CCDC30: variants seen among roughly 807,000 people sequenced by gnomAD.
CCDC30 encodes coiled-coil domain-containing protein 30.
A neutral mutation model predicts 100.2 loss-of-function variants in CCDC30; 70 were observed. That is an observed-to-expected ratio of 0.70 (90% CI 0.58 to 0.85). The LOEUF (loss-of-function observed/expected upper bound fraction) is 0.85. Ranked by LOEUF, CCDC30 falls within the 40% of genes least tolerant of loss-of-function variation. CCDC30 has a pLI of 0.00. For missense variants in CCDC30, 652 were observed against 771.2 expected (o/e 0.85, Z 1.83); for synonymous variants, 233 against 269.5 (o/e 0.86, Z 1.33).
Position 42,644,704 on chromosome 1 carries a change from T to C in CCDC30, c.1568T>C (p.Met523Thr), listed in dbSNP as rs1192622768. Residue 523 changes from methionine (M) to threonine (T), a missense_variant, in exon 14 of 17, where the codon ATG becomes ACG. Transcript: ENST00000668663. ...TATGCCATTCTTAGGGTACTTTACA[T>C]GGATAAAGAAAATAAGCAATTACAG... 3 of 1,599,830 alleles carry C rather than the reference T, an allele frequency of 1.9e-6. No individual in the cohort carries two copies. The South Asian group carries it at 3.3e-5, about 18-fold the overall frequency.
At chr1:42,487,480 CGTA>C (rs1644071505) in intron 3 of CCDC30, among the ~76,000 whole-genome samples, 1 of 152,006 alleles carries the variant, frequency 6.6e-6, no homozygotes, top group African/African-American at 2.4e-5. Flanking sequence ...ATTTTGTAAG[CGTA>C]GTTACGGTCC....
chr1:42,655,708 A>G (rs1392582101), downstream of CCDC30, among the ~76,000 whole-genome samples: 1 of 152,128 alleles, frequency 6.6e-6, no homozygotes, highest in Non-Finnish European at 1.5e-5. Flanking sequence ...AACAGTCTCC[A>G]GCTCATCTTT....
intron 6 of CCDC30, among the ~76,000 whole-genome samples, chr1:42,522,134 T>C (rs984506813): frequency 2.0e-5 from 3 of 152,202 alleles, no homozygotes; most frequent in Admixed American, 2.0e-4. Context: ...AATGTAAGTG[T>C]TGTATAAATA....
At position 42,642,562 on chromosome 1, in the gene CCDC30, AC is replaced by A. The variant is rs1421133065; in HGVS notation, c.1510del (p.Gln504SerfsTer2). The A allele has an allele frequency of 6.2e-7, 1 of 1,603,536 alleles. No individual in the cohort carries two copies. The highest frequency in any genetic ancestry group is 8.5e-7 in the Non-Finnish European group (1 of 1,175,092). On this transcript the variant is annotated frameshift_variant, in exon 13 of 17. Coordinates refer to ENST00000668663, the Ensembl canonical transcript of CCDC30. LOFTEE classifies it high-confidence loss of function. The stretch of plus-strand genomic sequence containing the variant: ...TTCAGGAGCAAGTCATAGAGCAAGA[AC>A]AGTTGATCCACAGCAACAAATGGAC...
In CCDC30 at chr1:42,592,058, T is replaced by G. The variant is rs183879988; in HGVS notation, c.1164+2575T>G. On this transcript the variant is annotated intron_variant, in intron 10 of 16. Coordinates refer to ENST00000668663, the Ensembl canonical transcript of CCDC30. ...TAATGCCTGTACTACCACTGTATCT[T>G]GGGAGTAAATGACTTATTTTGATTT... 4 of 152,326 alleles carry G rather than the reference T, an allele frequency of 2.6e-5. No homozygotes were observed. The East Asian group carries it at 5.8e-4, about 22-fold the overall frequency. The allele number at this position is 152,326 out of a possible 1,614,324, so 9.4% of individuals were successfully genotyped here. A position where few individuals can be genotyped will look rare whatever the true frequency, so the allele number is the denominator to read the frequency against.
chr1:42,581,493 A>G (rs765148066), exon 9 of CCDC30: 16 of 1,613,336 alleles, frequency 9.9e-6, no homozygotes, highest in Non-Finnish European at 1.3e-5. Context: ...AAGCAACAAT[A>G]TCAAGAAGAA....
intron 16 of CCDC30, 63 bp downstream of exon 20, chr1:42,653,506 G>C: frequency 1.0e-5 from 11 of 1,054,530 alleles, no homozygotes; most frequent in African/African-American, 1.6e-5. Context: ...CCATGCCTGA[G>C]AGTCATGGCT....
chr1:42,502,234 A>T (rs941597497), intron 6 of CCDC30, among the ~76,000 whole-genome samples: 1 of 149,598 alleles, frequency 6.7e-6, no homozygotes, highest in Admixed American at 6.6e-5. Context: ...GCAAGGCTCC[A>T]TGGGCGTGGG....
chr1:42,561,099 C>T (rs919334086), intron 6 of CCDC30, among the ~76,000 whole-genome samples: 4 of 152,232 alleles, frequency 2.6e-5, no homozygotes, highest in African/African-American at 9.6e-5. Flanking sequence ...CTCCCTAACT[C>T]ATTTTATTAA....
intron 11 of CCDC30, among the ~76,000 whole-genome samples, chr1:42,611,595 A>T (rs2148642868): frequency 6.6e-6 from 1 of 152,106 alleles, no homozygotes; most frequent in Non-Finnish European, 1.5e-5. Context: ...TCAGGCAAAT[A>T]CCATTGTCCA....
At chr1:42,517,891 A>G (rs1333268433) in intron 6 of CCDC30, among the ~76,000 whole-genome samples, 1 of 152,200 alleles carries the variant, frequency 6.6e-6, no homozygotes, top group African/African-American at 2.4e-5. Context: ...GTAAGTTTTG[A>G]AATCAGAAAG....
At chr1:42,598,763 A>G (rs544890003) in intron 10 of CCDC30, among the ~76,000 whole-genome samples, 1 of 151,944 alleles carries the variant, frequency 6.6e-6, no homozygotes, top group South Asian at 2.1e-4. Flanking sequence ...GTCTCAAAAA[A>G]AAAAGTAAAG....
intron 6 of CCDC30, 58 bp from the exon 10 acceptor site, chr1:42,556,098 C>T (rs1645362682): frequency 4.0e-6 from 6 of 1,512,854 alleles, no homozygotes; most frequent in South Asian, 3.9e-5. Flanking sequence ...CTTTTTTTTC[C>T]CGATTCTACT....
intron 6 of CCDC30, among the ~76,000 whole-genome samples, chr1:42,523,904 G>A (rs1056776158): frequency 1.3e-5 from 2 of 151,992 alleles, no homozygotes; most frequent in African/African-American, 4.8e-5. Context: ...TTCAGTTGTT[G>A]TACTTTTCAG....
At chr1:42,644,152 A>G (rs1043278402) in intron 13 of CCDC30, among the ~76,000 whole-genome samples, 3 of 152,336 alleles carry the variant, frequency 2.0e-5, no homozygotes, top group South Asian at 4.1e-4. Flanking sequence ...ACATATATAT[A>G]AAGAGGAGTT....
chr1:42,462,666 A>T (rs1222727936), upstream of CCDC30, among the ~76,000 whole-genome samples: 1 of 152,256 alleles, frequency 6.6e-6, no homozygotes, highest in Non-Finnish European at 1.5e-5. Flanking sequence ...AAAAGATGAT[A>T]TAAATTGAGT....
chr1:42,514,520 T>C (rs1261995497), intron 6 of CCDC30, among the ~76,000 whole-genome samples: 1 of 152,186 alleles, frequency 6.6e-6, no homozygotes, highest in Non-Finnish European at 1.5e-5. Context: ...TTCAAGTGCT[T>C]GTTAGCCATT....
At chr1:42,558,123 A>G (rs537254647) in intron 6 of CCDC30, 3 of 309,548 alleles carry the variant, frequency 9.7e-6, no homozygotes, top group Non-Finnish European at 2.0e-5. Context: ...AATAATTTGC[A>G]TTTCTACTCT....
chr1:42,589,595 T>C, intron 10 of CCDC30, 112 bp downstream of exon 14: 1 of 920,914 alleles, frequency 1.1e-6, no homozygotes, highest in East Asian at 2.4e-5. Flanking sequence ...CAGGGTTCAG[T>C]CAGGAAAGTA....
Sources: gnomAD v4.1 joint callset for allele counts (sites outside exome capture counted in the v4.1 genomes callset) on GRCh38, gnomAD v4.1.1 for gene constraint, MANE v1.5 for transcripts, NCBI Gene and HGNC (gene_info 2026-07-23, HGNC 2026-07-21) for gene names.